C12orf56: variants seen among roughly 807,000 people sequenced by gnomAD.
C12orf56 encodes uncharacterized protein C12orf56.
A neutral mutation model predicts 69.9 loss-of-function variants in C12orf56; 71 were observed. That is an observed-to-expected ratio of 1.02 (90% CI 0.84 to 1.24). The LOEUF is 1.24. Among genes scored for constraint, C12orf56 ranks in the 50% most tolerant of loss-of-function variants. C12orf56 has a pLI of 0.00. For missense variants in C12orf56, 732 were observed against 738.5 expected (o/e 0.99, Z 0.10); for synonymous variants, 276 against 274.1 (o/e 1.01, Z -0.07).
At chr12:64,387,474 C>A (rs1405267786) in intron 1 of C12orf56, among the ~76,000 whole-genome samples, 1 of 151,906 alleles carries the variant, frequency 6.6e-6, no homozygotes, top group Admixed American at 6.6e-5. Flanking sequence ...GGCTCAGGGC[C>A]AAAGGAGCTT....
chr12:64,294,895 G>GA lies in C12orf56; in HGVS notation c.1113+8739dup, dbSNP rs200602180. ...AAAAATGAAAAAAAAATCATATGAAGAAAAAAAAATTTTTTTTTTTTTTGA... is the reference window on the plus strand; with the variant it reads ...AAAAATGAAAAAAAAATCATATGAAGAAAAAAAAAATTTTTTTTTTTTTTGA... On this transcript the variant is annotated intron_variant, in intron 6 of 12. Coordinates refer to ENST00000543942, the MANE Select transcript of C12orf56 (RefSeq NM_001170633.2). Among the ~76,000 whole-genome samples, 394 of 148,336 alleles carry GA rather than the reference G, an allele frequency of 2.7e-3. 2 individuals carry two copies. The highest frequency in any genetic ancestry group is 7.8e-3 in the African/African-American group (317 of 40,632).
chr12:64,271,760 G>A (rs934582198), intron 11 of C12orf56, among the ~76,000 whole-genome samples: 1 of 152,294 alleles, frequency 6.6e-6, no homozygotes, highest in African/African-American at 2.4e-5. Context: ...AGAGTCTGAG[G>A]CAGTAGAACA....
chr12:64,267,952 G>A lies in C12orf56; in HGVS notation c.1764-664C>T, dbSNP rs1043459098. Among the ~76,000 whole-genome samples, 6 of 152,088 alleles carry A rather than the reference G, an allele frequency of 3.9e-5. 1 individual carries two copies. The highest frequency in any genetic ancestry group is 1.4e-4 in the African/African-American group (6 of 41,386). ...GTGTTTCGGATTTCAGATTTTTTCA[G>A]ATTTTGGAGTATCTGCATTATACTT... On this transcript the variant is annotated intron_variant, in intron 12 of 12. Coordinates refer to ENST00000543942, the MANE Select transcript of C12orf56 (RefSeq NM_001170633.2).
At position 64,284,676 on chromosome 12, in the gene C12orf56, A is replaced by G. The variant is rs771859923; in HGVS notation, c.1298T>C (p.Leu433Ser). 3.2e-5 allele frequency: 52 copies of G among 1,609,526 alleles called. No individual in the cohort carries two copies. The highest frequency in any genetic ancestry group is 4.2e-5 in the Non-Finnish European group (49 of 1,178,486). ...TAAAAGACCTTACTTCTTAGCTGCCAATGTGTTCAGGCGTGATGACTCGGT... is the reference window on the plus strand; with the variant it reads ...TAAAAGACCTTACTTCTTAGCTGCCGATGTGTTCAGGCGTGATGACTCGGT... ...TETESSRLNT[L>S]AAKKGALFNL... Residue 433 changes from leucine (L) to serine (S), a missense_variant, in exon 8 of 13, where the codon TTG becomes TCG. Transcript: ENST00000543942.
intron 6 of C12orf56, among the ~76,000 whole-genome samples, chr12:64,294,840 T>C (rs1203981477): frequency 6.6e-6 from 1 of 152,096 alleles, no homozygotes; most frequent in Admixed American, 6.5e-5. Context: ...GAAGTAAATT[T>C]TGTGTTATGT....
chr12:64,281,741 A>G (rs1273042532), intron 8 of C12orf56, among the ~76,000 whole-genome samples: 1 of 152,196 alleles, frequency 6.6e-6, no homozygotes, highest in African/African-American at 2.4e-5. Context: ...ATTGAAGGAC[A>G]TGAAAAGAAT....
intron 3 of C12orf56, among the ~76,000 whole-genome samples, chr12:64,324,625 C>G (rs1010428647): frequency 4.6e-5 from 7 of 152,188 alleles, no homozygotes; most frequent in African/African-American, 1.7e-4. Flanking sequence ...ACGGCCAGTT[C>G]TTGCTGGGAT....
chr12:64,384,443 GT>G (rs2039760696), intron 1 of C12orf56, among the ~76,000 whole-genome samples: 2 of 152,272 alleles, frequency 1.3e-5, no homozygotes, highest in South Asian at 4.2e-4. Context: ...AGTAGTAGGT[GT>G]TCAATAATGT....
chr12:64,363,364 G>A (rs1190952800), intron 1 of C12orf56, among the ~76,000 whole-genome samples: 1 of 152,178 alleles, frequency 6.6e-6, no homozygotes, highest in Non-Finnish European at 1.5e-5. Context: ...ATAGGTAAGT[G>A]TGCAGGAAAG....
chr12:64,320,171 C>T (rs1350246284), intron 3 of C12orf56, among the ~76,000 whole-genome samples: 3 of 152,214 alleles, frequency 2.0e-5, no homozygotes, highest in Non-Finnish European at 4.4e-5. Flanking sequence ...GGTTCTCTTC[C>T]GTGACCCACG....
intron 8 of C12orf56, 150 bp from the exon 9 acceptor site, chr12:64,277,953 C>T: frequency 4.4e-6 from 2 of 456,486 alleles, no homozygotes; most frequent in Non-Finnish European, 7.2e-6. Context: ...CTTGGACACG[C>T]AAATGAATAA....
At chr12:64,308,963 G>T (rs1297713893) in intron 5 of C12orf56, among the ~76,000 whole-genome samples, 3 of 118,502 alleles carry the variant, frequency 2.5e-5, no homozygotes, top group African/African-American at 9.6e-5. Flanking sequence ...AAGAAAGAAA[G>T]AAAGAAAGAA....
At chr12:64,326,130 C>A (rs1306343536) in intron 3 of C12orf56, among the ~76,000 whole-genome samples, 1 of 152,056 alleles carries the variant, frequency 6.6e-6, no homozygotes, top group Non-Finnish European at 1.5e-5. Flanking sequence ...AGACAATGAG[C>A]CCTGGTAGAT....
At chr12:64,342,319 T>A (rs1003332973) in intron 2 of C12orf56, among the ~76,000 whole-genome samples, 9 of 152,182 alleles carry the variant, frequency 5.9e-5, no homozygotes, top group African/African-American at 1.9e-4. Flanking sequence ...TTCTGCCCAA[T>A]GGGAAGATTT....
At chr12:64,308,539 T>A (rs1380046433) in intron 5 of C12orf56, among the ~76,000 whole-genome samples, 1 of 151,272 alleles carries the variant, frequency 6.6e-6, no homozygotes, top group African/African-American at 2.4e-5. Flanking sequence ...ATGGAGAAAA[T>A]TTTATAAGAA....
chr12:64,389,301 C>G (rs778956726), intron 1 of C12orf56: 4 of 152,174 alleles, frequency 2.6e-5, no homozygotes, highest in Non-Finnish European at 5.9e-5. Flanking sequence ...GAACAGCACC[C>G]GAAAACCGGC....
chr12:64,311,096 A>C (rs1439790400), intron 5 of C12orf56, among the ~76,000 whole-genome samples: 1 of 151,882 alleles, frequency 6.6e-6, no homozygotes, highest in Non-Finnish European at 1.5e-5. Flanking sequence ...TATGTGCCAC[A>C]TTTTCTTAAT....
chr12:64,385,971 G>A (rs1466046757), intron 1 of C12orf56, among the ~76,000 whole-genome samples: 1 of 151,988 alleles, frequency 6.6e-6, no homozygotes, highest in African/African-American at 2.4e-5. Flanking sequence ...AGACCAGCCT[G>A]GGAAACATGG....
intron 12 of C12orf56, among the ~76,000 whole-genome samples, 177 bp downstream of exon 12, chr12:64,270,359 C>T (rs2037967457): frequency 6.6e-6 from 1 of 152,148 alleles, no homozygotes; most frequent in Non-Finnish European, 1.5e-5. Flanking sequence ...CAAGATTGCA[C>T]CACTGTATTC....
Sources: allele counts gnomAD v4.1 joint callset (sites outside exome capture counted in the v4.1 genomes callset), GRCh38; gene constraint gnomAD v4.1.1; transcripts MANE v1.5; gene names NCBI Gene and HGNC (gene_info 2026-07-23, HGNC 2026-07-21).